ATP7B: variants seen among roughly 807,000 people sequenced by gnomAD.
ATP7B encodes ATPase copper transporting beta.
A neutral mutation model predicts 118.9 loss-of-function variants in ATP7B; 113 were observed. That is an observed-to-expected ratio of 0.95 (90% CI 0.82 to 1.11). ATP7B has a LOEUF of 1.11. Among genes scored for constraint, ATP7B ranks in the 50% most tolerant of loss-of-function variants. The pLI, the probability that ATP7B is intolerant of heterozygous loss-of-function variation, is 0.00. For missense variants in ATP7B, 1,867 were observed against 1,871.4 expected, an observed-to-expected ratio of 1.00 and a Z score of 0.04; for synonymous variants, 777 against 727.4, an observed-to-expected ratio of 1.07 and a Z score of -1.10.
chr13:51,938,931 A>G, intron 17 of ATP7B, 120 bp downstream of exon 17: 1 of 1,502,526 alleles, frequency 6.7e-7, no homozygotes, highest in Non-Finnish European at 9.2e-7. Context: ...GTGGAGAGAA[A>G]AGCATCCAGC....
chr13:51,975,466 T>A, intron 1 of ATP7B: 1 of 567,202 alleles, frequency 1.8e-6, no homozygotes, highest in South Asian at 1.4e-5. Flanking sequence ...CAGCTTTACA[T>A]ATGGAATGCA....
rs1375281491 is a variant in ATP7B at position 51,965,003 on chromosome 13, G to C, written c.1738C>G (p.His580Asp). 6.2e-7 allele frequency: 1 copy of C among 1,614,132 alleles called. No individual in the cohort carries two copies. Among genetic ancestry groups the C allele is most frequent in the African/African-American group, 1.3e-5 (1 of 75,018 alleles). ...ITGMTCASCV[H>D]NIESKLTRTN... ...CTCGTGAGTTTGGACTCTATGTTGT[G>C]GACACAGGACGCGCAGGTCATCCCT... The change falls in exon 5 of 21, where the codon CAC (histidine) becomes GAC (aspartate). Residue 580 changes from histidine to aspartate, a missense_variant. His to Asp is a moderately conservative substitution (Grantham distance 81, BLOSUM62 -1). Coordinates refer to ENST00000242839, the MANE Select transcript of ATP7B (RefSeq NM_000053.4).
intron 11 of ATP7B, 75 bp downstream of exon 11, chr13:51,949,928 ACTGT>A: frequency 1.2e-6 from 2 of 1,611,902 alleles, no homozygotes; most frequent in Non-Finnish European, 1.7e-6. Context: ...ACTCAATAAA[ACTGT>A]CTGATTTCCC....
intron 1 of ATP7B, among the ~76,000 whole-genome samples, chr13:51,976,658 C>CT (rs1952134756): frequency 6.6e-6 from 1 of 152,190 alleles, no homozygotes; most frequent in Non-Finnish European, 1.5e-5. Context: ...TACCAAACAC[C>CT]TGAGCTGTAT....
intron 1 of ATP7B, among the ~76,000 whole-genome samples, chr13:52,010,736 T>C (rs7321310): frequency 0.6 from 90,944 of 151,708 alleles, 30,203 homozygotes; most frequent in Non-Finnish European, 0.74. Context: ...GCCTGAAACA[T>C]AGAAAGTTCT....
chr13:51,937,714 A>C (rs889420163), intron 17 of ATP7B, 35 bp from the exon 18 acceptor site: 1 of 1,608,532 alleles, frequency 6.2e-7, no homozygotes. Context: ...TAGTGTTGGC[A>C]AAAGGTATCA....
intron 20 of ATP7B, 66 bp downstream of exon 20, chr13:51,935,527 C>G (rs962582916): frequency 6.7e-7 from 1 of 1,487,662 alleles, no homozygotes; most frequent in African/African-American, 1.4e-5. Flanking sequence ...TTCCACTGTG[C>G]TAAGCATGCA....
At chr13:51,951,351 C>G (rs1593700797) in intron 9 of ATP7B, among the ~76,000 whole-genome samples, 2 of 151,778 alleles carry the variant, frequency 1.3e-5, no homozygotes, top group East Asian at 3.9e-4. Context: ...TATGGAGAAG[C>G]AGCTAAGGGA....
At chr13:51,936,508 G>A (rs1411975981) in intron 19 of ATP7B, among the ~76,000 whole-genome samples, 2 of 152,098 alleles carry the variant, frequency 1.3e-5, no homozygotes, top group African/African-American at 2.4e-5. Context: ...GAATTACAAA[G>A]CAGAAAAATC....
At chr13:51,986,073 C>T (rs1952637831) in intron 1 of ATP7B, among the ~76,000 whole-genome samples, 1 of 152,070 alleles carries the variant, frequency 6.6e-6, no homozygotes, top group Non-Finnish European at 1.5e-5. Context: ...CAAAACAGAA[C>T]TGAAGGAGAT....
At chr13:51,976,559 T>A (rs959764930) in intron 1 of ATP7B, among the ~76,000 whole-genome samples, 3 of 152,208 alleles carry the variant, frequency 2.0e-5, no homozygotes, top group African/African-American at 7.2e-5. Context: ...TTAAGGATGG[T>A]GATACATTCT....
In ATP7B at chr13:51,950,053, G is replaced by A; in HGVS notation, c.2684C>T (p.Thr895Ile). Residue 895 changes from threonine to isoleucine, a missense_variant, in exon 11 of 21, where the codon ACT becomes ATT. Transcript: ENST00000242839. ...CACCAGTTTCACAATCTGAGCCAAA[G>A]TGGTGTCATTGCCCACGTGGGTAGC... is the stretch of plus-strand genomic sequence containing the variant. ...IKATHVGNDT[T>I]LAQIVKLVEE... 6.2e-7 allele frequency: 1 copy of A among 1,614,198 alleles called. No homozygotes were observed. The highest frequency in any genetic ancestry group is 1.7e-5 in the Admixed American group (1 of 60,026).
rs1957667608 is a variant in ATP7B, at chr13:51,946,468, T to A, written c.2876A>T (p.Lys959Met). 1.9e-6 allele frequency: 3 copies of A among 1,614,066 alleles called. No individual in the cohort carries two copies. ...VVQRYFPNPN[K>M]HISQTEVIIR... is the part of the protein sequence containing the mutation. ...GATCACCTCTGTCTGGGAGATGTGCTTGTTGGGGTTCTGAAAACAGGACAG... is the reference window on the plus strand; with the variant it reads ...GATCACCTCTGTCTGGGAGATGTGCATGTTGGGGTTCTGAAAACAGGACAG... The change falls in exon 13 of 21, where the codon AAG becomes ATG. Residue 959 changes from lysine (K) to methionine (M), a missense_variant. Lys to Met is a moderately conservative substitution (Grantham distance 95). Transcript: ENST00000242839.
intron 1 of ATP7B, among the ~76,000 whole-genome samples, chr13:52,003,700 G>A (rs1193703169): frequency 2.6e-5 from 4 of 152,168 alleles, no homozygotes; most frequent in Non-Finnish European, 5.9e-5. Context: ...AGTAGGCAGT[G>A]ACTTAAATGA....
At position 51,995,185 on chromosome 13, in the gene ATP7B, T is replaced by C. The variant is rs554485804; in HGVS notation, c.51+16102A>G. On this transcript the variant is annotated intron_variant, in intron 1 of 20. Transcript: ENST00000242839. ...AGCTTGACTCCTGCCAGGTGCTACA[T>C]TCACACTCTCATTCCGCTCCCCAGA... The C allele has an allele frequency of 6.7e-4, 421 of 624,930 alleles. 4 individuals carry two copies. In the South Asian group the frequency reaches 8.0e-3, roughly 12 times the overall value. 38.7% of individuals were successfully genotyped at this position (624,930 alleles called of 1,614,324 possible).
In ATP7B at chr13:51,955,905, G is replaced by T. The variant is rs547979111; in HGVS notation, c.2447+1611C>A. ...GGGGCAGCGCAGCACAGTGGCTGAG[G>T]GGGGCTCTGTGCCTCCAGGGTTCCA... On this transcript the variant is annotated intron_variant, in intron 9 of 20. Transcript: ENST00000242839. 2.0e-5 allele frequency among the ~76,000 whole-genome samples: 3 copies of T among 152,334 alleles called. No individual in the cohort carries two copies. The South Asian group carries it at 6.2e-4, about 32-fold the overall frequency.
At chr13:52,011,511 G>C, upstream of ATP7B, 1 of 760,166 alleles carries the variant, frequency 1.3e-6, no homozygotes, top group Non-Finnish European at 2.3e-6. Context: ...CTTCATTTGG[G>C]ACCGGGGAAG....
intron 13 of ATP7B, among the ~76,000 whole-genome samples, chr13:51,945,534 A>G (rs1957590943): frequency 6.6e-6 from 1 of 152,204 alleles, no homozygotes; most frequent in African/African-American, 2.4e-5. Context: ...CGCTTCCCTG[A>G]CCACCTGCAG....
intron 4 of ATP7B, among the ~76,000 whole-genome samples, chr13:51,967,995 C>A (rs1279541759): frequency 6.6e-6 from 1 of 152,182 alleles, no homozygotes; most frequent in Non-Finnish European, 1.5e-5. Context: ...GACACCCATG[C>A]ACCTATCACA....
Sources: gnomAD v4.1 joint callset for allele counts (sites outside exome capture counted in the v4.1 genomes callset) on GRCh38, gnomAD v4.1.1 for gene constraint, MANE v1.5 for transcripts, NCBI Gene and HGNC (gene_info 2026-07-23, HGNC 2026-07-21) for gene names.